Variants in ESR1 observed in about 807,000 individuals in gnomAD.
The protein encoded by ESR1 is estrogen receptor 1.
Under a neutral mutation model 52.7 loss-of-function variants are expected in ESR1, and 12 were observed. That is an observed-to-expected ratio of 0.23 (90% CI 0.15 to 0.37). The LOEUF (loss-of-function observed/expected upper bound fraction) is 0.37, where lower values mean the gene tolerates loss of function less well. Ranked by LOEUF, ESR1 falls within the 10% of genes least tolerant of loss-of-function variation. The probability of loss-of-function intolerance (pLI) is 1.00; values close to 1 mark genes in which losing one functional copy is unlikely to be tolerated. For missense variants in ESR1, 584 were observed against 779.7 expected, an observed-to-expected ratio of 0.75 and a Z score of 2.99; for synonymous variants, 305 against 316.8, an observed-to-expected ratio of 0.96 and a Z score of 0.39.
chr6:151,724,587 T>TACACAC (rs67896661), intron 2 of ESR1, among the ~76,000 whole-genome samples: 3 of 149,814 alleles, frequency 2.0e-5, no homozygotes, highest in South Asian at 2.1e-4. Flanking sequence ...CACACACACA[T>TACACAC]ACACACACAC....
intron 5 of ESR1, among the ~76,000 whole-genome samples, chr6:152,047,763 G>A (rs887597255): frequency 3.9e-5 from 6 of 152,010 alleles, no homozygotes; most frequent in African/African-American, 1.5e-4. Context: ...AAAAGTATAA[G>A]AGAAACACAA....
chr6:152,104,813 C>A (rs192468139), downstream of ESR1, among the ~76,000 whole-genome samples: 3 of 152,228 alleles, frequency 2.0e-5, no homozygotes, highest in East Asian at 5.8e-4. Context: ...TCCTGGATAA[C>A]CTCAGGATGG....
intron 4 of ESR1, among the ~76,000 whole-genome samples, chr6:151,952,687 T>G (rs2036454842): frequency 6.6e-6 from 1 of 152,234 alleles, no homozygotes; most frequent in Non-Finnish European, 1.5e-5. Flanking sequence ...TCTTGTTTCC[T>G]TCATGGTATA....
At chr6:152,034,584 T>C (rs1340266174) in intron 5 of ESR1, among the ~76,000 whole-genome samples, 1 of 152,168 alleles carries the variant, frequency 6.6e-6, no homozygotes, top group Non-Finnish European at 1.5e-5. Flanking sequence ...GTATTTTTTT[T>C]TCTGTTGCCT....
chr6:151,842,200 T>C lies in ESR1; in HGVS notation c.453-397T>C, dbSNP rs2234693. Among the ~76,000 whole-genome samples the C allele has an allele frequency of 0.47, 70,725 of 152,008 alleles. 16,806 individuals are homozygous for C. The highest frequency in any genetic ancestry group is 0.54 in the African/African-American group (22,314 of 41,444). On this transcript the variant is annotated intron_variant, in intron 1 of 7. Coordinates refer to ENST00000206249, the MANE Select transcript of ESR1 (RefSeq NM_000125.4). ...TCATCTGAGTTCCAAATGTCCCAGC[T>C]GTTTTATGCTTTGTCTCTGTTTCCC...
intron 6 of ESR1, among the ~76,000 whole-genome samples, chr6:152,112,167 C>G (rs752450359): frequency 3.9e-5 from 6 of 152,106 alleles, no homozygotes; most frequent in Non-Finnish European, 8.8e-5. Context: ...AAGACCTGAA[C>G]CCAAAAAGGA....
chr6:151,913,234 G>A (rs34914682), intron 3 of ESR1, among the ~76,000 whole-genome samples: 1,601 of 152,094 alleles, frequency 0.011, 20 homozygotes, highest in African/African-American at 0.038. Context: ...CTCCCACCAC[G>A]TGCGGATTTT....
chr6:151,957,404 A>G (rs2037128329), intron 4 of ESR1, among the ~76,000 whole-genome samples: 1 of 152,368 alleles, frequency 6.6e-6, no homozygotes, highest in Admixed American at 6.5e-5. Flanking sequence ...GTTTCTAAAA[A>G]GCATTTTAAA....
intron 5 of ESR1, among the ~76,000 whole-genome samples, chr6:152,057,391 T>C (rs140277276): frequency 2.0e-3 from 304 of 152,304 alleles, no homozygotes; most frequent in African/African-American, 6.8e-3. Context: ...ATGCAAATAG[T>C]GGATTCACTA....
chr6:151,996,186 G>A (rs570499051), intron 4 of ESR1, among the ~76,000 whole-genome samples: 1 of 152,234 alleles, frequency 6.6e-6, no homozygotes, highest in East Asian at 1.9e-4. Context: ...CTGAAGGACA[G>A]GGACTTCAGG....
At chr6:151,709,988 T>G (rs1315131986) in intron 2 of ESR1, among the ~76,000 whole-genome samples, 1 of 151,756 alleles carries the variant, frequency 6.6e-6, no homozygotes, top group Non-Finnish European at 1.5e-5. Context: ...TTTTTACATC[T>G]GGAATTTTTT....
At chr6:152,071,280 A>G (rs1648545193) in intron 6 of ESR1, among the ~76,000 whole-genome samples, 1 of 152,224 alleles carries the variant, frequency 6.6e-6, no homozygotes, top group Admixed American at 6.5e-5. Flanking sequence ...GTTTTCACTA[A>G]ATTGGATTTT....
At chr6:151,887,450 C>T (rs1794036986) in intron 3 of ESR1, among the ~76,000 whole-genome samples, 1 of 151,954 alleles carries the variant, frequency 6.6e-6, no homozygotes, top group Non-Finnish European at 1.5e-5. Flanking sequence ...ACTAATGAAT[C>T]CAATGTTTGA....
intron 2 of ESR1, among the ~76,000 whole-genome samples, chr6:151,739,977 A>G (rs1220649980): frequency 6.6e-6 from 1 of 152,118 alleles, no homozygotes; most frequent in African/African-American, 2.4e-5. Context: ...CACACTGGAC[A>G]TTGTCTTGGC....
At chr6:151,719,682 A>C (rs1450112410) in intron 2 of ESR1, among the ~76,000 whole-genome samples, 1 of 152,198 alleles carries the variant, frequency 6.6e-6, no homozygotes, top group Non-Finnish European at 1.5e-5. Context: ...TATCTCTACA[A>C]TTCATTTTCA....
intron 3 of ESR1, among the ~76,000 whole-genome samples, chr6:151,900,379 T>C (rs1796490029): frequency 6.6e-6 from 1 of 152,218 alleles, no homozygotes; most frequent in Non-Finnish European, 1.5e-5. Context: ...TAAATTGGAC[T>C]TCACCTTTCT....
intron 2 of ESR1, among the ~76,000 whole-genome samples, chr6:151,753,152 T>C (rs1395713798): frequency 2.0e-5 from 3 of 152,224 alleles, no homozygotes; most frequent in African/African-American, 7.2e-5. Context: ...ACTGTTGACG[T>C]GCTTTAAAGC....
At chr6:151,681,401 G>A (rs1298494711) in intron 1 of ESR1, among the ~76,000 whole-genome samples, 1 of 151,924 alleles carries the variant, frequency 6.6e-6, no homozygotes, top group African/African-American at 2.4e-5. Flanking sequence ...ATGGCAGGAG[G>A]GGACGGCGGT....
chr6:151,782,696 C>T (rs571991296), intron 2 of ESR1, among the ~76,000 whole-genome samples: 1 of 152,116 alleles, frequency 6.6e-6, no homozygotes, highest in Admixed American at 6.5e-5. Context: ...ATCAAGCTAC[C>T]CTGGTATTAT....
Sources: gnomAD v4.1 joint callset for allele counts (sites outside exome capture counted in the v4.1 genomes callset) on GRCh38, gnomAD v4.1.1 for gene constraint, MANE v1.5 for transcripts, NCBI Gene and HGNC (gene_info 2026-07-23, HGNC 2026-07-21) for gene names.